The following QKI variants were observed in gnomAD, a reference collection of about 807,000 sequenced individuals.
The protein encoded by QKI is QKI, KH domain containing RNA binding.
QKI carries 10 observed loss-of-function variants against 39.0 expected under a neutral mutation model. That is an observed-to-expected ratio of 0.26 (90% CI 0.16 to 0.43). QKI has a LOEUF of 0.43. Among genes scored for constraint, QKI ranks in the 20% least tolerant of loss-of-function variants. QKI has a pLI of 1.00. For missense variants in QKI, 218 were observed against 428.0 expected, an observed-to-expected ratio of 0.51 and a Z score of 4.33; for synonymous variants, 204 against 155.4, an observed-to-expected ratio of 1.31 and a Z score of -2.33.
chr6:163,561,477 G>GC (rs1783002051), intron 4 of QKI, among the ~76,000 whole-genome samples: 1 of 152,078 alleles, frequency 6.6e-6, no homozygotes, highest in South Asian at 2.1e-4. Flanking sequence ...GCATGGTGGC[G>GC]CGTGCCTCTA....
chr6:163,492,769 G>C (rs943017439), intron 3 of QKI, among the ~76,000 whole-genome samples: 1 of 152,030 alleles, frequency 6.6e-6, no homozygotes, highest in African/African-American at 2.4e-5. Context: ...TTGAATAATA[G>C]ACAAGTGAGT....
intron 3 of QKI, among the ~76,000 whole-genome samples, chr6:163,505,510 C>T (rs956090780): frequency 2.6e-5 from 4 of 152,200 alleles, no homozygotes; most frequent in Admixed American, 6.5e-5. Flanking sequence ...CTTGCAACAA[C>T]GTGTCCTGGA....
At chr6:163,515,920 T>C (rs1779763586) in intron 3 of QKI, among the ~76,000 whole-genome samples, 1 of 152,162 alleles carries the variant, frequency 6.6e-6, no homozygotes, top group African/African-American at 2.4e-5. Context: ...GGTCACCTCT[T>C]TGTGGTATAA....
chr6:163,447,373 T>C (rs1394150764), intron 1 of QKI, among the ~76,000 whole-genome samples: 1 of 152,076 alleles, frequency 6.6e-6, no homozygotes, highest in Non-Finnish European at 1.5e-5. Context: ...AAGTTCTCTC[T>C]TCTAGCTACT....
intron 2 of QKI, among the ~76,000 whole-genome samples, chr6:163,462,330 G>C (rs929709661): frequency 6.6e-6 from 1 of 152,140 alleles, no homozygotes; most frequent in Non-Finnish European, 1.5e-5. Context: ...GGGATTTCTT[G>C]AAATCTTGTT....
chr6:163,491,331 T>C (rs74652755), intron 3 of QKI, among the ~76,000 whole-genome samples: 1 of 152,222 alleles, frequency 6.6e-6, no homozygotes, highest in East Asian at 1.9e-4. Context: ...CTGAACAGGC[T>C]TGATTTCTGT....
rs555777283 is a variant in QKI at position 163,465,491 on chromosome 6, G to GAT, written c.285+10070_285+10071insAT. Reference sequence around the variant, plus strand: ...AAAAATACAAAAATTCACCAGGCATGGTGATGCATGCCTGTAATCCCAGCT... The same window carrying GAT: ...AAAAATACAAAAATTCACCAGGCATGATGTGATGCATGCCTGTAATCCCAGCT... On this transcript the variant is annotated intron_variant, in intron 2 of 7. Transcript: ENST00000361752. Among the ~76,000 whole-genome samples the GAT allele has an allele frequency of 2.6e-3, 402 of 151,882 alleles. 2 individuals are homozygous for GAT. The highest frequency in any genetic ancestry group is 9.3e-3 in the African/African-American group (387 of 41,422).
chr6:163,466,046 G>C (rs117225565), intron 2 of QKI, among the ~76,000 whole-genome samples: 2,237 of 151,342 alleles, frequency 0.015, 19 homozygotes, highest in Non-Finnish European at 0.023. Context: ...AATTGCTTGA[G>C]CCTGGGAGAG....
intron 2 of QKI, among the ~76,000 whole-genome samples, chr6:163,461,766 A>G (rs565852144): frequency 2.6e-5 from 4 of 152,282 alleles, no homozygotes; most frequent in Middle Eastern, 6.8e-3. Context: ...CTTTCAGCCC[A>G]ATTTGAGAGA....
At chr6:163,508,114 AAG>A (rs1173828378) in intron 3 of QKI, among the ~76,000 whole-genome samples, 2 of 152,166 alleles carry the variant, frequency 1.3e-5, no homozygotes, top group African/African-American at 4.8e-5. Context: ...GTAAAGAACA[AAG>A]AGAAAAAAAA....
intron 1 of QKI, among the ~76,000 whole-genome samples, chr6:163,418,749 A>T (rs1025439036): frequency 8.5e-5 from 13 of 152,156 alleles, no homozygotes; most frequent in African/African-American, 2.9e-4. Context: ...TATGGTTTTT[A>T]AAAAAACAGA....
chr6:163,439,289 C>T (rs575805683), intron 1 of QKI, among the ~76,000 whole-genome samples: 174 of 147,466 alleles, frequency 1.2e-3, no homozygotes, highest in African/African-American at 4.1e-3. Context: ...AGAATTTATT[C>T]TATCAAACTC....
At chr6:163,564,582 TA>T in intron 6 of QKI, 2 of 1,603,906 alleles carry the variant, frequency 1.2e-6, no homozygotes, top group Non-Finnish European at 8.5e-7. Context: ...AGGCAGAAAT[TA>T]AAATCATAAT....
chr6:163,484,740 TTTGGTGTGCCCCAGAAC>T (rs1475661371), intron 3 of QKI, among the ~76,000 whole-genome samples: 3 of 152,186 alleles, frequency 2.0e-5, no homozygotes, highest in Non-Finnish European at 4.4e-5. Context: ...ATGGGCATGG[TTTGGTGTGCCCCAGAAC>T]AATTACAGTA....
chr6:163,568,120 T>C (rs940840813), intron 7 of QKI: 2 of 985,294 alleles, frequency 2.0e-6, no homozygotes, highest in Non-Finnish European at 2.4e-6. Context: ...GCACGTCTCA[T>C]AGGGATGGGG....
rs368488009 is a variant in QKI at position 163,477,851 on chromosome 6, C to T, written c.286-929C>T. Among the ~76,000 whole-genome samples the T allele has an allele frequency of 1.7e-3, 262 of 152,188 alleles. 13 individuals carry two copies. In the South Asian group the frequency reaches 0.05, roughly 29 times the overall value. On this transcript the variant is annotated intron_variant, in intron 2 of 7. Transcript: ENST00000361752. ...CCTGATGGCAGTGGATTTTCTAGCA[C>T]GTTACTTTTATGTAATGATATACTA...
chr6:163,543,103 A>G (rs1490209189), intron 4 of QKI, among the ~76,000 whole-genome samples: 1 of 151,924 alleles, frequency 6.6e-6, no homozygotes, highest in African/African-American at 2.4e-5. Flanking sequence ...TTAAGAGTTA[A>G]TGAATGAGAA....
chr6:163,573,311 G>A lies in QKI; in HGVS notation c.*2601G>A, dbSNP rs1047887367. The A allele has an allele frequency of 2.6e-5, 4 of 152,182 alleles. No individual in the cohort carries two copies. The highest frequency in any genetic ancestry group is 1.3e-4 in the Admixed American group (2 of 15,282). 9.4% of individuals were successfully genotyped at this position (152,182 alleles called of 1,614,324 possible). ...AAGACTTTTTTTCTGACAGTATTAT[G>A]TAATTTTTTAGCGTGGGTAGATGGG... On this transcript the variant is annotated 3_prime_UTR_variant, in exon 8 of 8. Transcript: ENST00000361752.
intron 3 of QKI, among the ~76,000 whole-genome samples, chr6:163,502,746 C>T (rs910901076): frequency 6.6e-6 from 1 of 152,152 alleles, no homozygotes; most frequent in African/African-American, 2.4e-5. Context: ...TCTTCATCCA[C>T]TTTACTGTTG....
Sources: allele counts gnomAD v4.1 joint callset (sites outside exome capture counted in the v4.1 genomes callset), GRCh38; gene constraint gnomAD v4.1.1; transcripts MANE v1.5; gene names NCBI Gene and HGNC (gene_info 2026-07-23, HGNC 2026-07-21).